GAB2: variants seen among roughly 807,000 people sequenced by gnomAD.
GAB2 encodes the protein GRB2-associated-binding protein 2.
A neutral mutation model predicts 65.5 loss-of-function variants in GAB2; 26 were observed. The observed-to-expected ratio is 0.40, with a 90% CI of 0.29 to 0.55. The LOEUF is 0.55. Ranked by LOEUF, GAB2 falls within the 20% of genes least tolerant of loss-of-function variation. The pLI is 0.53. For synonymous variants in GAB2, 321 were observed against 329.6 expected, an observed-to-expected ratio of 0.97 and a Z score of 0.28; for missense variants, 884 against 875.8, an observed-to-expected ratio of 1.01 and a Z score of -0.12.
chr11:78,287,239 G>C (rs890398850), intron 1 of GAB2, among the ~76,000 whole-genome samples: 4 of 152,188 alleles, frequency 2.6e-5, no homozygotes, highest in East Asian at 1.9e-4. Context: ...ACTTGAAAAA[G>C]AGCAGCAACA....
intron 1 of GAB2, among the ~76,000 whole-genome samples, chr11:78,320,919 T>C (rs1591036020): frequency 6.6e-6 from 1 of 152,068 alleles, no homozygotes; most frequent in East Asian, 1.9e-4. Context: ...GCTTAAACTG[T>C]GGTGGGCAAT....
In GAB2 at chr11:78,217,992, C is replaced by G. The variant is rs1266759362; in HGVS notation, c.*1280G>C. 1.3e-5 allele frequency: 2 copies of G among 153,232 alleles called. No homozygotes were observed. The highest frequency in any genetic ancestry group is 4.8e-5 in the African/African-American group (2 of 41,434). 9.5% of individuals were successfully genotyped at this position (153,232 alleles called of 1,614,324 possible). A position where few individuals can be genotyped will look rare whatever the true frequency, so the allele number is the denominator to read the frequency against. On this transcript the variant is annotated 3_prime_UTR_variant, in exon 10 of 10. Transcript: ENST00000361507. ...ACGGTCCTCATGTCACACCACCATG[C>G]ACACCACTCTTGCACGTGTCCCTCC...
At chr11:78,265,652 C>T (rs1448092391) in intron 2 of GAB2, among the ~76,000 whole-genome samples, 1 of 152,076 alleles carries the variant, frequency 6.6e-6, no homozygotes, top group Non-Finnish European at 1.5e-5. Flanking sequence ...ATCTCTTCAG[C>T]CTAGTTAGTA....
chr11:78,414,006 T>G (rs1179970204), intron 1 of GAB2, among the ~76,000 whole-genome samples: 2 of 150,026 alleles, frequency 1.3e-5, no homozygotes, highest in African/African-American at 4.9e-5. Context: ...GAGAATCGCT[T>G]GAACCCAGGA....
At position 78,298,044 on chromosome 11, in the gene GAB2, T is replaced by C. The variant is rs1208202306; in HGVS notation, c.76-17143A>G. On this transcript the variant is annotated intron_variant, in intron 1 of 9. Transcript: ENST00000361507. ...GTAAACAGAACATGAGAGCTGTGAA[T>C]GGTTTTAAATTTTTCCATATTTAAA... Among the ~76,000 whole-genome samples the C allele has an allele frequency of 2.0e-5, 3 of 152,210 alleles. No individual in the cohort carries two copies. In the East Asian group the frequency reaches 5.8e-4, roughly 29 times the overall value.
intron 1 of GAB2, among the ~76,000 whole-genome samples, chr11:78,309,971 T>TGTGTGTGTGTGTGTGCGCGC (rs1421836447): frequency 1.5e-4 from 18 of 120,084 alleles, no homozygotes; most frequent in African/African-American, 6.4e-4. Flanking sequence ...TGTGTGTGTG[T>TGTGTGTGTGTGTGTGCGCGC]GCGCGCGCGC....
intron 1 of GAB2, among the ~76,000 whole-genome samples, chr11:78,294,525 C>T (rs1866771764): frequency 6.6e-6 from 1 of 152,164 alleles, no homozygotes; most frequent in Non-Finnish European, 1.5e-5. Context: ...AGTTTACAGT[C>T]CCACCAACAG....
rs1864423247 is a variant in GAB2 at position 78,221,548 on chromosome 11, G to A, written c.1761+129C>T. The stretch of plus-strand genomic sequence containing the variant: ...TGCTCAAGAAGGGTTTGTAGCAGGA[G>A]ACTAAATCATGAATAATACAAGGAG... On this transcript the variant is annotated intron_variant, in intron 8 of 9. Coordinates refer to ENST00000361507, the MANE Select transcript of GAB2 (RefSeq NM_080491.3). 9.7e-6 allele frequency: 5 copies of A among 515,868 alleles called. No homozygotes were observed. The South Asian group carries it at 1.5e-4, about 16-fold the overall frequency. 32.0% of individuals were successfully genotyped at this position (515,868 alleles called of 1,614,324 possible). A position where few individuals can be genotyped will look rare whatever the true frequency, so the allele number is the denominator to read the frequency against.
At position 78,376,287 on chromosome 11, in the gene GAB2, A is replaced by G. The variant is rs151229993; in HGVS notation, c.75+41359T>C. On this transcript the variant is annotated intron_variant, in intron 1 of 9. Transcript: ENST00000361507. ...TCTGCCTGTTTTGGCATTAATAAGA[A>G]GAGCCCATTAATGATGAATAACAAT... 7.8e-3 allele frequency among the ~76,000 whole-genome samples: 1,191 copies of G among 152,334 alleles called. 9 individuals carry two copies. The highest frequency in any genetic ancestry group is 0.013 in the Non-Finnish European group (885 of 68,022).
rs1165607734 is a variant in GAB2 at position 78,244,147 on chromosome 11, TG to T, written c.620+6009del. ...ATCCCAGCACTTTAGGAGGCCAAGA[TG>T]GGCAGATTCAAGATGGGCAGATTCC... is the stretch of plus-strand genomic sequence containing the variant. On this transcript the variant is annotated intron_variant, in intron 3 of 9. Coordinates refer to ENST00000361507, the MANE Select transcript of GAB2 (RefSeq NM_080491.3). Among the ~76,000 whole-genome samples the T allele has an allele frequency of 6.7e-5, 10 of 148,996 alleles. No individual in the cohort carries two copies. The East Asian group carries it at 1.6e-3, about 23-fold the overall frequency.
At chr11:78,301,944 A>G (rs1565150386) in intron 1 of GAB2, among the ~76,000 whole-genome samples, 1 of 152,234 alleles carries the variant, frequency 6.6e-6, no homozygotes, top group East Asian at 1.9e-4. Context: ...TGGGAAAAGG[A>G]CACCCTATTC....
rs368184721 is a variant in GAB2, at chr11:78,287,649, A to ATTTT, written c.76-6752_76-6749dup. 6.5e-3 allele frequency among the ~76,000 whole-genome samples: 893 copies of ATTTT among 136,738 alleles called. 14 individuals are homozygous for ATTTT. The highest frequency in any genetic ancestry group is 0.023 in the African/African-American group (848 of 36,974). 89.7% of individuals were successfully genotyped at this position (136,738 alleles called of 152,430 possible). On this transcript the variant is annotated intron_variant, in intron 1 of 9. Coordinates refer to ENST00000361507, the MANE Select transcript of GAB2 (RefSeq NM_080491.3). ...TAAGGCAAGGACATTTGCTCTTATC[A>ATTTT]TTTTTTTTTTTTTTTTTGAGACAGA...
chr11:78,250,304 G>C lies in GAB2; in HGVS notation c.473C>G (p.Ser158Cys). Residue 158 changes from serine to cysteine, a missense_variant, in exon 3 of 10, where the codon TCC becomes TGC. By Grantham distance (112) the Ser-to-Cys change is moderately radical. Transcript: ENST00000361507. ...SSQHLLRERKSSAPSHSSQPT... is the reference protein window; with the variant it reads ...SSQHLLRERKCSAPSHSSQPT... ...CTGGCTGGAGTGTGATGGGGCTGAG[G>C]ACTTGCGCTCTCGGAGAAGGTGCTG... 1 of 1,613,762 alleles carries C rather than the reference G, an allele frequency of 6.2e-7. No homozygotes were observed. Among genetic ancestry groups the C allele is most frequent in the Non-Finnish European group, 8.5e-7 (1 of 1,179,936 alleles).
At chr11:78,243,606 C>T (rs201931946) in intron 3 of GAB2, among the ~76,000 whole-genome samples, 12 of 151,808 alleles carry the variant, frequency 7.9e-5, no homozygotes, top group African/African-American at 1.5e-4. Context: ...TTTGGGAGGC[C>T]GAGGCGGGCA....
intron 1 of GAB2, among the ~76,000 whole-genome samples, chr11:78,314,126 A>C (rs1406813625): frequency 6.6e-6 from 1 of 152,246 alleles, no homozygotes. Flanking sequence ...CTGAGCCCTG[A>C]GTCAGGCAGG....
intron 1 of GAB2, among the ~76,000 whole-genome samples, chr11:78,393,896 A>G (rs749112362): frequency 3.9e-5 from 6 of 152,254 alleles, no homozygotes; most frequent in Non-Finnish European, 5.9e-5. Context: ...CAATTGGTAA[A>G]TAGAACTCAC....
At chr11:78,382,610 T>C (rs113863371) in intron 1 of GAB2, among the ~76,000 whole-genome samples, 1 of 152,154 alleles carries the variant, frequency 6.6e-6, no homozygotes, top group Non-Finnish European at 1.5e-5. Flanking sequence ...TCTCTGTGTA[T>C]TGCATAGTAC....
chr11:78,222,533 A>G (rs1353211992), intron 6 of GAB2, among the ~76,000 whole-genome samples: 1 of 148,174 alleles, frequency 6.7e-6, no homozygotes, highest in Admixed American at 6.8e-5. Flanking sequence ...ATATATTTAT[A>G]TATTAATATA....
At chr11:78,411,825 A>T (rs1265280332) in intron 1 of GAB2, among the ~76,000 whole-genome samples, 1 of 152,046 alleles carries the variant, frequency 6.6e-6, no homozygotes, top group African/African-American at 2.4e-5. Context: ...AGGTCAAGAG[A>T]TTGAGACCAT....
Sources: gnomAD v4.1 joint callset for allele counts (sites outside exome capture counted in the v4.1 genomes callset) on GRCh38, gnomAD v4.1.1 for gene constraint, MANE v1.5 for transcripts, NCBI Gene and HGNC (gene_info 2026-07-23, HGNC 2026-07-21) for gene names.